The following DCLK1 variants were observed in gnomAD, a reference collection of about 807,000 sequenced individuals.
DCLK1 encodes doublecortin like kinase 1.
DCLK1 carries 16 observed loss-of-function variants against 86.2 expected under a neutral mutation model. The ratio of observed to expected loss-of-function variants is 0.19; its 90% CI spans 0.13 to 0.28. DCLK1 has a LOEUF of 0.28. Ranked by LOEUF, DCLK1 falls within the 10% of genes least tolerant of loss-of-function variation. The pLI is 1.00. For missense variants in DCLK1, 590 were observed against 940.2 expected (o/e 0.63, Z 4.87); for synonymous variants, 369 against 370.5 (o/e 1.00, Z 0.05).
At chr13:36,043,962 T>G (rs1190508837) in intron 3 of DCLK1, among the ~76,000 whole-genome samples, 1 of 152,214 alleles carries the variant, frequency 6.6e-6, no homozygotes, top group Non-Finnish European at 1.5e-5. Flanking sequence ...TCTGGATATC[T>G]GTCCCCTCCA....
At chr13:35,997,303 T>C (rs1880517401) in intron 3 of DCLK1, among the ~76,000 whole-genome samples, 1 of 152,246 alleles carries the variant, frequency 6.6e-6, no homozygotes, top group Admixed American at 6.5e-5. Flanking sequence ...TAGGCCCCAA[T>C]CCAACTAAAA....
chr13:36,042,287 A>G (rs938575623), intron 3 of DCLK1, among the ~76,000 whole-genome samples: 1 of 152,192 alleles, frequency 6.6e-6, no homozygotes. Context: ...ATTTCTCACA[A>G]TATACAGTAT....
chr13:36,131,822 G>A (rs1886369828), upstream of DCLK1, among the ~76,000 whole-genome samples: 1 of 152,200 alleles, frequency 6.6e-6, no homozygotes, highest in Admixed American at 6.5e-5. Flanking sequence ...GGAAGCCAGT[G>A]GATCACCTTC....
At chr13:36,127,759 T>A (rs556033779) in intron 1 of DCLK1, among the ~76,000 whole-genome samples, 69 of 152,136 alleles carry the variant, frequency 4.5e-4, no homozygotes, top group South Asian at 1.5e-3. Context: ...GAAAGGTACA[T>A]CTGTACCCCC....
At chr13:35,886,248 T>C (rs749246433) in intron 4 of DCLK1, among the ~76,000 whole-genome samples, 2 of 152,056 alleles carry the variant, frequency 1.3e-5, no homozygotes, top group Non-Finnish European at 2.9e-5. Flanking sequence ...CCTGACCTCG[T>C]GATCTGCCCG....
At chr13:35,837,839 T>A (rs9574728) in intron 7 of DCLK1, among the ~76,000 whole-genome samples, 1 of 151,734 alleles carries the variant, frequency 6.6e-6, no homozygotes, top group Non-Finnish European at 1.5e-5. Flanking sequence ...GCCGAGGCAG[T>A]TGGATCACTT....
intron 15 of DCLK1, among the ~76,000 whole-genome samples, chr13:35,804,112 G>C (rs1027743978): frequency 6.6e-6 from 1 of 152,108 alleles, no homozygotes; most frequent in Non-Finnish European, 1.5e-5. Context: ...CATTCTATCA[G>C]TATTAACTAC....
At chr13:36,047,813 G>A (rs539910822) in intron 3 of DCLK1, among the ~76,000 whole-genome samples, 2 of 152,142 alleles carry the variant, frequency 1.3e-5, no homozygotes, top group Non-Finnish European at 2.9e-5. Context: ...CCTGAGGGCT[G>A]GGTGTGGTGG....
intron 3 of DCLK1, among the ~76,000 whole-genome samples, chr13:35,963,531 T>C (rs910992299): frequency 3.3e-5 from 5 of 152,210 alleles, no homozygotes; most frequent in African/African-American, 9.6e-5. Context: ...TTCTGGTCAA[T>C]GATAACTCAG....
intron 2 of DCLK1, among the ~76,000 whole-genome samples, chr13:36,118,085 C>A (rs1355036813): frequency 6.6e-6 from 1 of 151,218 alleles, no homozygotes; most frequent in African/African-American, 2.4e-5. Flanking sequence ...AACATTTTCT[C>A]AAAAAAAAAT....
At chr13:35,898,240 T>C (rs1448758951) in intron 4 of DCLK1, among the ~76,000 whole-genome samples, 1 of 152,176 alleles carries the variant, frequency 6.6e-6, no homozygotes, top group African/African-American at 2.4e-5. Context: ...TGTCTTATCC[T>C]AGAAGAGTAA....
intron 10 of DCLK1, among the ~76,000 whole-genome samples, chr13:35,824,203 G>T (rs999934395): frequency 2.0e-5 from 3 of 152,058 alleles, no homozygotes; most frequent in South Asian, 2.1e-4. Flanking sequence ...AAGAGATAAG[G>T]TCTTGCTTTG....
chr13:35,818,414 A>G (rs923561524), intron 11 of DCLK1, among the ~76,000 whole-genome samples: 6 of 152,226 alleles, frequency 3.9e-5, no homozygotes, highest in Non-Finnish European at 8.8e-5. Flanking sequence ...CGTGAAAACA[A>G]GGACCATGAG....
intron 4 of DCLK1, among the ~76,000 whole-genome samples, chr13:35,923,669 A>T (rs2153127437): frequency 6.6e-6 from 1 of 152,124 alleles, no homozygotes; most frequent in African/African-American, 2.4e-5. Context: ...ATTTCAGAAT[A>T]CCACTCAGGG....
rs948970695 is a variant in DCLK1, at chr13:35,919,837, T to G, written c.823+27521A>C. ...TTTCATTAAAAAAAAGAAAAAAATG[T>G]TTACCTTCTTTAGACCTCATCTTCT... On this transcript the variant is annotated intron_variant, in intron 4 of 16. Transcript: ENST00000360631. 2.0e-5 allele frequency among the ~76,000 whole-genome samples: 3 copies of G among 146,534 alleles called. No individual in the cohort carries two copies. The East Asian group carries it at 6.2e-4, about 30-fold the overall frequency.
rs1877483523 is a variant in DCLK1, at chr13:35,948,138, A to G, written c.724-681T>C. 1.3e-5 allele frequency among the ~76,000 whole-genome samples: 2 copies of G among 152,248 alleles called. 1 individual carries two copies. Among genetic ancestry groups the G allele is most frequent in the South Asian group, 4.1e-4 (2 of 4,836 alleles). Reference sequence around the variant, plus strand: ...TATTTACTCGACTTACTCTCCAATGAGAACTTTAAGAAAGCTAAATGTCAT... The same window carrying G: ...TATTTACTCGACTTACTCTCCAATGGGAACTTTAAGAAAGCTAAATGTCAT... On this transcript the variant is annotated intron_variant, in intron 3 of 16. Transcript: ENST00000360631.
At chr13:35,806,638 C>G (rs1189141888) in intron 14 of DCLK1, among the ~76,000 whole-genome samples, 1 of 152,196 alleles carries the variant, frequency 6.6e-6, no homozygotes, top group Non-Finnish European at 1.5e-5. Flanking sequence ...AGAGTTCACT[C>G]AGCCTTCTTC....
chr13:35,823,355 G>GCACACACACACACA (rs34702154), intron 10 of DCLK1, among the ~76,000 whole-genome samples: 23 of 147,862 alleles, frequency 1.6e-4, no homozygotes, highest in Middle Eastern at 3.4e-3. Flanking sequence ...TTATTAGGAT[G>GCACACACACACACA]CACACACACA....
chr13:35,814,205 T>C (rs1418663150), intron 11 of DCLK1, among the ~76,000 whole-genome samples: 1 of 152,150 alleles, frequency 6.6e-6, no homozygotes, highest in East Asian at 1.9e-4. Context: ...GAAAATATAA[T>C]TAAACGTTTG....
Sources: gnomAD v4.1 joint callset for allele counts (sites outside exome capture counted in the v4.1 genomes callset) on GRCh38, gnomAD v4.1.1 for gene constraint, MANE v1.5 for transcripts, NCBI Gene and HGNC (gene_info 2026-07-23, HGNC 2026-07-21) for gene names.